TYW5: variants seen among roughly 807,000 people sequenced by gnomAD.
TYW5 encodes tRNA wybutosine-synthesizing protein 5.
A neutral mutation model predicts 44.4 loss-of-function variants in TYW5; 36 were observed. The observed-to-expected ratio is 0.81, with a 90% CI of 0.62 to 1.07. The LOEUF (loss-of-function observed/expected upper bound fraction) is 1.07. Ranked by LOEUF, TYW5 falls within the 50% of genes least tolerant of loss-of-function variation. The pLI is 0.00. For missense variants in TYW5, 354 were observed against 365.7 expected (o/e 0.97, Z 0.26); for synonymous variants, 121 against 128.1 (o/e 0.94, Z 0.37).
intron 4 of TYW5, 100 bp downstream of exon 4, chr2:199,939,989 G>T: frequency 9.1e-7 from 1 of 1,099,208 alleles, no homozygotes; most frequent in Non-Finnish European, 1.4e-6. Flanking sequence ...GATAGAACAG[G>T]GAATATGTCA....
At position 199,943,629 on chromosome 2, in the gene TYW5, T is replaced by C. The variant is rs73987296; in HGVS notation, c.303+136A>G. On this transcript the variant is annotated intron_variant, in intron 3 of 7. Coordinates refer to ENST00000354611, the MANE Select transcript of TYW5 (RefSeq NM_001039693.3). ...TAATAAATAGCAGAGCTACAGTCTG[T>C]GGTGCATCCAACCAAATCTTACGAA... 2,398 of 670,542 alleles carry C rather than the reference T, an allele frequency of 3.6e-3. 48 individuals are homozygous for C. The African/African-American group carries it at 0.04, about 11-fold the overall frequency. The allele number at this position is 670,542 out of a possible 1,614,324, so 41.5% of individuals were successfully genotyped here.
intron 6 of TYW5, 145 bp downstream of exon 6, chr2:199,936,260 C>T: frequency 1.3e-6 from 1 of 761,998 alleles, no homozygotes. Context: ...AAGATAATTT[C>T]AAATTTGAAC....
chr2:199,953,665 AGTT>A (rs1406146901), intron 1 of TYW5, among the ~76,000 whole-genome samples: 6 of 152,116 alleles, frequency 3.9e-5, no homozygotes, highest in African/African-American at 1.4e-4. Flanking sequence ...TTAATTATGG[AGTT>A]ATTAGAAAAT....
At chr2:199,939,397 C>A (rs2077447528) in intron 4 of TYW5, among the ~76,000 whole-genome samples, 1 of 152,190 alleles carries the variant, frequency 6.6e-6, no homozygotes, top group South Asian at 2.1e-4. Context: ...GGCCACCTTG[C>A]CTGGCCGATA....
chr2:199,936,386 C>A lies in TYW5; in HGVS notation c.574+19G>T, dbSNP rs2077420768. ...ACTGAATAGACTTTTGAAATATAAA[C>A]TTAAAAAAAATCCCATACCTTTTAA... On this transcript the variant is annotated intron_variant, in intron 6 of 7. Transcript: ENST00000354611. 1 of 1,593,534 alleles carries A rather than the reference C, an allele frequency of 6.3e-7. No homozygotes were observed. The highest frequency in any genetic ancestry group is 8.5e-7 in the Non-Finnish European group (1 of 1,170,252).
intron 1 of TYW5, among the ~76,000 whole-genome samples, chr2:199,955,089 T>C (rs281765): frequency 0.11 from 17,422 of 152,194 alleles, 1,468 homozygotes; most frequent in East Asian, 0.25. Context: ...TTCAAATCCA[T>C]TAATTCGGAG....
intron 6 of TYW5, 60 bp downstream of exon 6, chr2:199,936,345 T>G (rs1211520940): frequency 7.9e-6 from 11 of 1,391,726 alleles, no homozygotes; most frequent in African/African-American, 4.3e-5. Flanking sequence ...AATCAAGAGA[T>G]TTCTCAAAAA....
Position 199,948,333 on chromosome 2 carries a change from T to C in TYW5, c.218A>G (p.Lys73Arg). 6.2e-7 allele frequency: 1 copy of C among 1,614,166 alleles called. No individual in the cohort carries two copies. Among genetic ancestry groups the C allele is most frequent in the Non-Finnish European group, 8.5e-7 (1 of 1,180,018 alleles). Residue 73 changes from lysine (K) to arginine (R), a missense_variant, in exon 2 of 8, where the codon AAG becomes AGG. Transcript: ENST00000354611. ...AAVAQMDFIS[K>R]NFVYRTLPFD... Reference sequence around the variant, plus strand: ...AAGAAAATACCTATATACAAAGTTCTTACTAATGAAGTCCATCTGTGCAAC... The same window carrying C: ...AAGAAAATACCTATATACAAAGTTCCTACTAATGAAGTCCATCTGTGCAAC...
At chr2:199,943,180 A>G (rs1473451781) in intron 3 of TYW5, 1 of 152,222 alleles carries the variant, frequency 6.6e-6, no homozygotes, top group Non-Finnish European at 1.5e-5. Context: ...TTAAAAACAT[A>G]TTTATATACA....
chr2:199,932,265 G>C lies in TYW5; in HGVS notation c.*802C>G, dbSNP rs753166166. 1 of 152,062 alleles carries C rather than the reference G, an allele frequency of 6.6e-6. No homozygotes were observed. Among genetic ancestry groups the C allele is most frequent in the African/African-American group, 2.4e-5 (1 of 41,402 alleles). The allele number at this position is 152,062 out of a possible 1,614,324, so 9.4% of individuals were successfully genotyped here. A position where few individuals can be genotyped will look rare whatever the true frequency, so the allele number is the denominator to read the frequency against. On this transcript the variant is annotated 3_prime_UTR_variant, in exon 8 of 8. Coordinates refer to ENST00000354611, the MANE Select transcript of TYW5 (RefSeq NM_001039693.3). ...ATCAGTCTACAAAGTTGGGACCTAG[G>C]TATCTGTACATTTTTTAAAGTTCCT... is the stretch of plus-strand genomic sequence containing the variant.
chr2:199,936,157 T>C, intron 6 of TYW5, 110 bp from the exon 7 acceptor site: 1 of 762,872 alleles, frequency 1.3e-6, no homozygotes, highest in Non-Finnish European at 2.2e-6. Flanking sequence ...AGTTACTTAC[T>C]GTACCAACAC....
chr2:199,938,879 T>C, intron 5 of TYW5, 54 bp downstream of exon 5: 10 of 1,511,260 alleles, frequency 6.6e-6, no homozygotes, highest in Non-Finnish European at 8.9e-6. Flanking sequence ...GACTGTTAAA[T>C]CTATAATGCT....
chr2:199,936,605 C>G, intron 5 of TYW5, 113 bp from the exon 6 acceptor site: 5 of 785,764 alleles, frequency 6.4e-6, no homozygotes, highest in Non-Finnish European at 1.0e-5. Flanking sequence ...ACTTGACTTA[C>G]TTAAGACTCT....
rs138556278 is a variant in TYW5 at position 199,949,615 on chromosome 2, A to T, written c.79-1143T>A. ...AGTATAGGCCAGCTATTTTGTAGAA[A>T]ACTTTTCAATTTGGGTTTATCTTAA... On this transcript the variant is annotated intron_variant, in intron 1 of 7. Coordinates refer to ENST00000354611, the MANE Select transcript of TYW5 (RefSeq NM_001039693.3). Among the ~76,000 whole-genome samples the T allele has an allele frequency of 1.6e-4, 24 of 152,302 alleles. No homozygotes were observed. In the East Asian group the frequency reaches 4.2e-3, roughly 27 times the overall value.
In TYW5 at chr2:199,940,266, G is replaced by A. The variant is rs1394211358; in HGVS notation, c.304-133C>T. The stretch of plus-strand genomic sequence containing the variant: ...AAAAGAATTATGTACTGAGAACTAC[G>A]GAAAAAAATAAAACACCTTCACTTC... On this transcript the variant is annotated intron_variant, in intron 3 of 7. Coordinates refer to ENST00000354611, the MANE Select transcript of TYW5 (RefSeq NM_001039693.3). 17 of 741,818 alleles carry A rather than the reference G, an allele frequency of 2.3e-5. 1 individual carries two copies. Among genetic ancestry groups the A allele is most frequent in the South Asian group, 9.4e-5 (4 of 42,628 alleles). 46.0% of individuals were successfully genotyped at this position (741,818 alleles called of 1,614,324 possible).
At chr2:199,946,536 T>G (rs1418427735) in intron 2 of TYW5, 1 of 152,200 alleles carries the variant, frequency 6.6e-6, no homozygotes, top group Non-Finnish European at 1.5e-5. Context: ...CACAAGGTTC[T>G]TTTGTCCAGA....
intron 2 of TYW5, chr2:199,947,062 A>C (rs960176700): frequency 6.6e-6 from 1 of 152,222 alleles, no homozygotes; most frequent in Non-Finnish European, 1.5e-5. Flanking sequence ...AAGTTCCTAC[A>C]CTTGGAAAAA....
intron 3 of TYW5, 65 bp downstream of exon 3, chr2:199,943,700 C>T: frequency 7.6e-7 from 1 of 1,321,616 alleles, no homozygotes. Context: ...ACTATTCTTT[C>T]ATAAGAAAAT....
At chr2:199,936,558 T>C (rs1007502620) in intron 5 of TYW5, 66 bp from the exon 6 acceptor site, 43 of 1,369,732 alleles carry the variant, frequency 3.1e-5, no homozygotes, top group Non-Finnish European at 4.0e-5. Context: ...ACCAATGGCA[T>C]GCTAAACTTT....
Sources: allele counts gnomAD v4.1 joint callset (sites outside exome capture counted in the v4.1 genomes callset), GRCh38; gene constraint gnomAD v4.1.1; transcripts MANE v1.5; gene names NCBI Gene and HGNC (gene_info 2026-07-23, HGNC 2026-07-21).